AKIRIN2: variants seen among roughly 807,000 people sequenced by gnomAD.
AKIRIN2 encodes akirin 2.
In AKIRIN2, 6 loss-of-function variants were observed where a neutral mutation model predicts 29.3. The ratio of observed to expected loss-of-function variants is 0.20; its 90% CI spans 0.11 to 0.40. The LOEUF (loss-of-function observed/expected upper bound fraction) is 0.40. AKIRIN2 is among the 10% of genes least tolerant of loss of function. The pLI, the probability that AKIRIN2 is intolerant of heterozygous loss-of-function variation, is 1.00. For missense variants in AKIRIN2, 210 were observed against 276.1 expected, an observed-to-expected ratio of 0.76 and a Z score of 1.70; for synonymous variants, 128 against 117.5, an observed-to-expected ratio of 1.09 and a Z score of -0.58.
chr6:87,681,872 A>G (rs1771127283), intron 1 of AKIRIN2, 109 bp from the exon 2 acceptor site: 1 of 921,068 alleles, frequency 1.1e-6, no homozygotes, highest in Non-Finnish European at 1.6e-6. Context: ...ACTCCTTTCA[A>G]ATAATATCCA....
intron 1 of AKIRIN2, among the ~76,000 whole-genome samples, chr6:87,700,267 C>CAA (rs10659226): frequency 0.32 from 45,877 of 141,772 alleles, 7,246 homozygotes; most frequent in Admixed American, 0.4. Context: ...TTAAATGTGA[C>CAA]AAAAAAAAAA....
At chr6:87,700,128 T>C (rs1771435377) in intron 1 of AKIRIN2, among the ~76,000 whole-genome samples, 2 of 152,166 alleles carry the variant, frequency 1.3e-5, no homozygotes, top group Admixed American at 1.3e-4. Flanking sequence ...TAAATAAATT[T>C]ATCTAAGAAT....
intron 1 of AKIRIN2, among the ~76,000 whole-genome samples, chr6:87,687,995 C>G (rs115882240): frequency 0.02 from 3,001 of 152,186 alleles, 98 homozygotes; most frequent in African/African-American, 0.068. Flanking sequence ...TAGCCAGGTG[C>G]GGTGGCTTGC....
chr6:87,689,575 T>C (rs946697514), intron 1 of AKIRIN2, among the ~76,000 whole-genome samples: 1 of 152,188 alleles, frequency 6.6e-6, no homozygotes, highest in African/African-American at 2.4e-5. Context: ...AACATGTTAA[T>C]TTGTGGCCAT....
chr6:87,679,616 G>C (rs889513304), intron 2 of AKIRIN2, among the ~76,000 whole-genome samples: 1 of 152,116 alleles, frequency 6.6e-6, no homozygotes, highest in Non-Finnish European at 1.5e-5. Context: ...ACAACAATTC[G>C]CATGGAAAAA....
intron 1 of AKIRIN2, among the ~76,000 whole-genome samples, chr6:87,697,066 T>C (rs1437411348): frequency 6.6e-6 from 1 of 151,672 alleles, no homozygotes; most frequent in Non-Finnish European, 1.5e-5. Flanking sequence ...CCCAGCACTG[T>C]GTGAGGCCAA....
chr6:87,681,148 A>C (rs1353634686), intron 2 of AKIRIN2, among the ~76,000 whole-genome samples: 1 of 151,810 alleles, frequency 6.6e-6, no homozygotes, highest in Non-Finnish European at 1.5e-5. Context: ...AGTGATTCTC[A>C]TGCCTCAGGC....
chr6:87,690,944 G>A (rs1259356086), intron 1 of AKIRIN2, among the ~76,000 whole-genome samples: 2 of 152,096 alleles, frequency 1.3e-5, no homozygotes, highest in Non-Finnish European at 2.9e-5. Flanking sequence ...CTGCACTCCA[G>A]CCTGGGCAAC....
chr6:87,678,739 G>A (rs1013014706), intron 2 of AKIRIN2, among the ~76,000 whole-genome samples: 1 of 152,050 alleles, frequency 6.6e-6, no homozygotes, highest in African/African-American at 2.4e-5. Context: ...AAGACACTTA[G>A]TCTTCAAAGC....
At chr6:87,683,028 T>C (rs551041523) in intron 1 of AKIRIN2, among the ~76,000 whole-genome samples, 9 of 152,318 alleles carry the variant, frequency 5.9e-5, no homozygotes, top group African/African-American at 1.9e-4. Context: ...CAAAATCCTG[T>C]CACTTATTTT....
chr6:87,695,996 T>C (rs1011981160), intron 1 of AKIRIN2, among the ~76,000 whole-genome samples: 4 of 151,828 alleles, frequency 2.6e-5, no homozygotes, highest in African/African-American at 7.3e-5. Flanking sequence ...CTGGGCAACA[T>C]GGTGAAACCC....
chr6:87,681,866 C>CT (rs1771127254), intron 1 of AKIRIN2, 103 bp from the exon 2 acceptor site: 1 of 962,416 alleles, frequency 1.0e-6, no homozygotes, highest in East Asian at 2.8e-5. Flanking sequence ...CAAAATACTC[C>CT]TTTCAAATAA....
In AKIRIN2 at chr6:87,701,724, G is replaced by A; in HGVS notation, c.-40C>T. The A allele has an allele frequency of 7.3e-7, 1 of 1,369,970 alleles. No homozygotes were observed. Among genetic ancestry groups the A allele is most frequent in the Non-Finnish European group, 9.6e-7 (1 of 1,045,442 alleles). 84.9% of individuals were successfully genotyped at this position (1,369,970 alleles called of 1,614,324 possible). A position where few individuals can be genotyped will look rare whatever the true frequency, so the allele number is the denominator to read the frequency against. On this transcript the variant is annotated 5_prime_UTR_variant, in exon 1 of 5. Transcript: ENST00000257787. ...GAGGCGCCGGGCTCGGGTGGGGTCGGGGACGGGTGACGAAAGAAGAGGGTG... is the reference window on the plus strand; with the variant it reads ...GAGGCGCCGGGCTCGGGTGGGGTCGAGGACGGGTGACGAAAGAAGAGGGTG...
intron 1 of AKIRIN2, among the ~76,000 whole-genome samples, chr6:87,694,111 CCT>C (rs1771321755): frequency 6.6e-6 from 1 of 152,114 alleles, no homozygotes; most frequent in Admixed American, 6.6e-5. Context: ...AATCCAAGTC[CCT>C]CTCTCAAACC....
At chr6:87,697,307 GAAAA>G (rs985898940) in intron 1 of AKIRIN2, among the ~76,000 whole-genome samples, 3 of 71,576 alleles carry the variant, frequency 4.2e-5, no homozygotes, top group African/African-American at 8.9e-5. Context: ...TTTGTCTCAA[GAAAA>G]AAAAAAAAAA....
chr6:87,694,986 A>G (rs1486684163), intron 1 of AKIRIN2, among the ~76,000 whole-genome samples: 1 of 152,212 alleles, frequency 6.6e-6, no homozygotes, highest in African/African-American at 2.4e-5. Flanking sequence ...TATAGATACA[A>G]TATCATCTCA....
chr6:87,693,986 T>C (rs971822752), intron 1 of AKIRIN2, among the ~76,000 whole-genome samples: 1 of 152,212 alleles, frequency 6.6e-6, no homozygotes, highest in Non-Finnish European at 1.5e-5. Context: ...CCTATCATAA[T>C]TAAAAGGCAC....
chr6:87,701,401 T>G (rs1771461779), intron 1 of AKIRIN2, 49 bp downstream of exon 1: 1 of 1,524,302 alleles, frequency 6.6e-7, no homozygotes. Context: ...CCAGGACCCC[T>G]GTTCCCAGTT....
At chr6:87,693,580 C>T (rs1771311946) in intron 1 of AKIRIN2, among the ~76,000 whole-genome samples, 4 of 151,948 alleles carry the variant, frequency 2.6e-5, no homozygotes, top group Non-Finnish European at 5.9e-5. Context: ...ATACAATTAG[C>T]CAGGTGTGGC....
Sources: gnomAD v4.1 joint callset for allele counts (sites outside exome capture counted in the v4.1 genomes callset) on GRCh38, gnomAD v4.1.1 for gene constraint, MANE v1.5 for transcripts, NCBI Gene and HGNC (gene_info 2026-07-23, HGNC 2026-07-21) for gene names.